Variants in TCF12 observed in about 807,000 individuals in gnomAD.
TCF12 encodes the protein DNA-binding protein HTF4.
In TCF12, 45 loss-of-function variants were observed where a neutral mutation model predicts 86.0. That is an observed-to-expected ratio of 0.52 (90% CI 0.41 to 0.67). The LOEUF (loss-of-function observed/expected upper bound fraction) is 0.67. Ranked by LOEUF, TCF12 falls within the 30% of genes least tolerant of loss-of-function variation. TCF12 has a pLI of 0.00. For synonymous variants in TCF12, 330 were observed against 299.6 expected (o/e 1.10, Z -1.05); for missense variants, 881 against 859.9 (o/e 1.02, Z -0.31).
chr15:57,057,831 T>A (rs185480940), intron 3 of TCF12, among the ~76,000 whole-genome samples: 1 of 152,280 alleles, frequency 6.6e-6, no homozygotes, highest in Non-Finnish European at 1.5e-5. Flanking sequence ...CAGAGATGAT[T>A]TGATTGTGTT....
chr15:57,201,282 A>G (rs148361603), intron 8 of TCF12, among the ~76,000 whole-genome samples: 1 of 152,226 alleles, frequency 6.6e-6, no homozygotes, highest in African/African-American at 2.4e-5. Flanking sequence ...GGAATTAATT[A>G]TATTGCAGTG....
rs1449606586 is a variant in TCF12, at chr15:57,283,853, T to C, written c.*11+1255T>C. Reference sequence around the variant, plus strand: ...ATATAGGGTCAAATGAGACTACATATAGGGTCAAATGAGACTACATATAGG... The same window carrying C: ...ATATAGGGTCAAATGAGACTACATACAGGGTCAAATGAGACTACATATAGG... On this transcript the variant is annotated intron_variant, in intron 20 of 20. Coordinates refer to ENST00000333725, the MANE Select transcript of TCF12 (RefSeq NM_207037.2). Among the ~76,000 whole-genome samples, 4 of 152,172 alleles carry C rather than the reference T, an allele frequency of 2.6e-5. No homozygotes were observed. The East Asian group carries it at 7.7e-4, about 29-fold the overall frequency.
chr15:57,270,809 A>G (rs969840738), intron 18 of TCF12, among the ~76,000 whole-genome samples: 2 of 152,140 alleles, frequency 1.3e-5, no homozygotes, highest in African/African-American at 4.8e-5. Flanking sequence ...TTTTCCTTCT[A>G]ACAGACCGGC....
intron 18 of TCF12, among the ~76,000 whole-genome samples, chr15:57,269,317 GTC>G (rs2061013589): frequency 1.5e-5 from 2 of 135,846 alleles, no homozygotes; most frequent in Admixed American, 7.6e-5. Flanking sequence ...TTGGTTGAAA[GTC>G]TGTTTTATCA....
chr15:57,044,029 A>G (rs1479154952), intron 3 of TCF12, among the ~76,000 whole-genome samples: 2 of 152,180 alleles, frequency 1.3e-5, no homozygotes, highest in African/African-American at 4.8e-5. Context: ...AAAGAGAAAA[A>G]GTAGTACAGT....
chr15:57,195,361 A>G (rs1160076374), intron 7 of TCF12, among the ~76,000 whole-genome samples: 2 of 152,236 alleles, frequency 1.3e-5, no homozygotes, highest in Admixed American at 1.3e-4. Flanking sequence ...AAACTGGCCT[A>G]AACTAATCTT....
At chr15:57,235,429 A>G (rs1413331033) in intron 12 of TCF12, among the ~76,000 whole-genome samples, 2 of 152,320 alleles carry the variant, frequency 1.3e-5, no homozygotes, top group Non-Finnish European at 1.5e-5. Flanking sequence ...TAAAGCCCAT[A>G]TATATTAGAA....
At chr15:56,927,564 A>T (rs1028694449) in intron 3 of TCF12, among the ~76,000 whole-genome samples, 29 of 152,210 alleles carry the variant, frequency 1.9e-4, no homozygotes, top group African/African-American at 7.0e-4. Context: ...AGCATAACTT[A>T]ACAAATCCAT....
chr15:57,232,645 A>G (rs1210855125), intron 10 of TCF12, 67 bp from the exon 11 acceptor site: 67 of 1,527,800 alleles, frequency 4.4e-5, no homozygotes, highest in Non-Finnish European at 5.2e-5. Context: ...CTGTTATCAT[A>G]GTTGTCCATT....
chr15:57,192,093 G>T, intron 6 of TCF12, 65 bp from the exon 7 acceptor site: 1 of 1,576,624 alleles, frequency 6.3e-7, no homozygotes, highest in South Asian at 1.2e-5. Flanking sequence ...CAGAAGTGAT[G>T]AAATTTTCAG....
chr15:57,173,454 T>C (rs1470618247), intron 6 of TCF12, among the ~76,000 whole-genome samples: 1 of 152,092 alleles, frequency 6.6e-6, no homozygotes, highest in East Asian at 1.9e-4. Context: ...AAAATTTGGC[T>C]ATTTGAAATA....
intron 3 of TCF12, among the ~76,000 whole-genome samples, chr15:57,044,653 T>C (rs183528539): frequency 7.4e-4 from 112 of 152,284 alleles, no homozygotes; most frequent in African/African-American, 2.7e-3. Context: ...ATTTTATGGA[T>C]CTTTTCTTTG....
intron 3 of TCF12, among the ~76,000 whole-genome samples, chr15:56,958,538 G>A (rs2061592688): frequency 6.6e-6 from 1 of 152,024 alleles, no homozygotes; most frequent in East Asian, 1.9e-4. Context: ...ATGCTTAAAA[G>A]CCGCATGTAT....
intron 5 of TCF12, among the ~76,000 whole-genome samples, chr15:57,131,476 G>A (rs1360695795): frequency 6.6e-6 from 1 of 152,102 alleles, no homozygotes; most frequent in Non-Finnish European, 1.5e-5. Flanking sequence ...TAGAAAGCAA[G>A]CAAATTTTAA....
At position 56,954,543 on chromosome 15, in the gene TCF12, A is replaced by G. The variant is rs567332682; in HGVS notation, c.148+33445A>G. On this transcript the variant is annotated intron_variant, in intron 3 of 20. Transcript: ENST00000333725. ...CTTCATGACTAAAACACCAAAAGCAATGGCAACAAAAGCCAAAGTAGACAA... is the reference window on the plus strand; with the variant it reads ...CTTCATGACTAAAACACCAAAAGCAGTGGCAACAAAAGCCAAAGTAGACAA... Among the ~76,000 whole-genome samples, 26 of 152,342 alleles carry G rather than the reference A, an allele frequency of 1.7e-4. No individual in the cohort carries two copies. In the East Asian group the frequency reaches 3.9e-3, roughly 23 times the overall value.
At chr15:56,970,893 TA>T (rs58694609) in intron 3 of TCF12, among the ~76,000 whole-genome samples, 16 of 146,384 alleles carry the variant, frequency 1.1e-4, no homozygotes, top group African/African-American at 2.0e-4. Context: ...CTACAAAAAA[TA>T]AAAAAAAAAA....
intron 5 of TCF12, among the ~76,000 whole-genome samples, chr15:57,115,038 CTGAT>C (rs1476475323): frequency 5.3e-5 from 8 of 152,062 alleles, no homozygotes; most frequent in East Asian, 1.9e-4. Context: ...AATTAAATGT[CTGAT>C]TGAGCTTTGG....
intron 5 of TCF12, among the ~76,000 whole-genome samples, chr15:57,165,404 GCAAA>G (rs2054812783): frequency 6.6e-6 from 1 of 152,020 alleles, no homozygotes; most frequent in Non-Finnish European, 1.5e-5. Flanking sequence ...TATATTAAAT[GCAAA>G]CAGTAATGTA....
At chr15:57,124,628 G>A (rs1259420769) in intron 5 of TCF12, among the ~76,000 whole-genome samples, 5 of 152,162 alleles carry the variant, frequency 3.3e-5, no homozygotes, top group South Asian at 2.1e-4. Context: ...TCCTGTCAGT[G>A]CACTAACATT....
Sources: allele counts gnomAD v4.1 joint callset (sites outside exome capture counted in the v4.1 genomes callset), GRCh38; gene constraint gnomAD v4.1.1; transcripts MANE v1.5; gene names NCBI Gene and HGNC (gene_info 2026-07-23, HGNC 2026-07-21).